Variants in PCDHGB1 observed in about 807,000 individuals in gnomAD.
PCDHGB1 encodes protocadherin gamma subfamily B, 1, also known as protocadherin gamma-B1.
Under a neutral mutation model 56.6 loss-of-function variants are expected in PCDHGB1, and 34 were observed. The ratio of observed to expected loss-of-function variants is 0.60; its 90% CI spans 0.46 to 0.80. The LOEUF (loss-of-function observed/expected upper bound fraction) is 0.80, where lower values mean the gene tolerates loss of function less well. Among genes scored for constraint, PCDHGB1 ranks in the 30% least tolerant of loss-of-function variants. The probability of loss-of-function intolerance (pLI) is 0.00; values close to 1 mark genes in which losing one functional copy is unlikely to be tolerated. For synonymous variants in PCDHGB1, 561 were observed against 505.9 expected (o/e 1.11, Z -1.46); for missense variants, 1,278 against 1,204.6 (o/e 1.06, Z -0.90).
intron 1 of PCDHGB1, chr5:141,371,346 G>A: frequency 6.2e-7 from 1 of 1,613,880 alleles, no homozygotes; most frequent in Non-Finnish European, 8.5e-7. Flanking sequence ...CTACACAATT[G>A]GGGTGGAAGC....
chr5:141,482,103 A>C (rs34394498), intron 1 of PCDHGB1, among the ~76,000 whole-genome samples: 2 of 142,250 alleles, frequency 1.4e-5, no homozygotes, highest in Non-Finnish European at 3.0e-5. Flanking sequence ...AAAAAAAAAA[A>C]AATATCTAGA....
At chr5:141,407,974 G>A (rs1229330658) in intron 1 of PCDHGB1, 3 of 728,612 alleles carry the variant, frequency 4.1e-6, no homozygotes, top group African/African-American at 1.8e-5. Context: ...CGCTGACGCC[G>A]GGGATCCGTC....
intron 1 of PCDHGB1, among the ~76,000 whole-genome samples, chr5:141,386,574 G>A (rs2090626331): frequency 6.6e-6 from 1 of 151,752 alleles, no homozygotes; most frequent in African/African-American, 2.4e-5. Flanking sequence ...GATAGACTCT[G>A]TACAATAGTG....
chr5:141,414,986 A>G, intron 1 of PCDHGB1: 4 of 1,613,824 alleles, frequency 2.5e-6, no homozygotes, highest in Non-Finnish European at 3.4e-6. Context: ...GACTCCGGCC[A>G]GAACGCCTGG....
chr5:141,479,109 A>G (rs925202951), intron 1 of PCDHGB1, among the ~76,000 whole-genome samples: 4 of 152,234 alleles, frequency 2.6e-5, no homozygotes, highest in Admixed American at 2.6e-4. Context: ...TATTTCAAGC[A>G]TTCTACTGGA....
In PCDHGB1 at chr5:141,362,265, A is replaced by G. The variant is rs1450907640; in HGVS notation, c.2409+9596A>G. The G allele has an allele frequency of 4.3e-6, 7 of 1,613,868 alleles. No homozygotes were observed. The Admixed American group carries it at 6.7e-5, about 15-fold the overall frequency. On this transcript the variant is annotated intron_variant, in intron 1 of 3. Transcript: ENST00000523390. ...TCTTCTTCCTCGCGGTGATTCTGGCAATCTCCCTGCGCCTGCGACTCTCTT... is the reference window on the plus strand; with the variant it reads ...TCTTCTTCCTCGCGGTGATTCTGGCGATCTCCCTGCGCCTGCGACTCTCTT...
At chr5:141,468,428 T>C (rs936671539) in intron 1 of PCDHGB1, 11 of 151,374 alleles carry the variant, frequency 7.3e-5, no homozygotes, top group Non-Finnish European at 1.3e-4. Context: ...AGCAAGGTAA[T>C]AGCAAAATGT....
chr5:141,485,497 T>C lies in PCDHGB1; in HGVS notation c.2410-9310T>C, dbSNP rs1594488328. On this transcript the variant is annotated intron_variant, in intron 1 of 3. Coordinates refer to ENST00000523390, the MANE Select transcript of PCDHGB1 (RefSeq NM_018922.3). The surrounding 1 kb of genome is among the most constrained non-coding windows in gnomAD (Gnocchi z 5.7). ...CCAGCTGCATCGTGCCCCTGGAGTT[T>C]GTCACCGAAGGTCCTTTGGAAATGT... 6.2e-7 allele frequency: 1 copy of C among 1,614,112 alleles called. No homozygotes were observed. The highest frequency in any genetic ancestry group is 1.3e-5 in the African/African-American group (1 of 74,998).
At chr5:141,419,548 G>C in intron 1 of PCDHGB1, 1 of 1,611,976 alleles carries the variant, frequency 6.2e-7, no homozygotes, top group Non-Finnish European at 8.5e-7. Context: ...CGCGGGTGCT[G>C]TACCCTGCGC....
Position 141,486,895 on chromosome 5 carries a change from C to T in PCDHGB1, c.2410-7912C>T, listed in dbSNP as rs1286004461. ...TCCGTCCTCGGGCCCGGCCTGGTTC[C>T]TTATGTCCCCAAGCACTGCCTCCAT... On this transcript the variant is annotated intron_variant, in intron 1 of 3. Coordinates refer to ENST00000523390, the MANE Select transcript of PCDHGB1 (RefSeq NM_018922.3). This position sits in a 1 kb window ranked among gnomAD's most constrained non-coding sequence, Gnocchi z 5.0. 3 of 1,614,134 alleles carry T rather than the reference C, an allele frequency of 1.9e-6. No homozygotes were observed. The highest frequency in any genetic ancestry group is 3.3e-5 in the Admixed American group (2 of 60,012).
intron 1 of PCDHGB1, among the ~76,000 whole-genome samples, chr5:141,438,139 T>C (rs2097931816): frequency 6.6e-6 from 1 of 152,152 alleles, no homozygotes. Context: ...TGGCAAAAGA[T>C]AGCCAGCCTA....
chr5:141,376,790 C>T (rs993106299), intron 1 of PCDHGB1: 2 of 364,964 alleles, frequency 5.5e-6, no homozygotes, highest in Non-Finnish European at 9.9e-6. Context: ...GGGTTCACGC[C>T]ATTCTCCTGC....
chr5:141,351,104 C>G lies in PCDHGB1; in HGVS notation c.844C>G (p.Pro282Ala). Residue 282 changes from proline (P) to alanine (A), a missense_variant, in exon 1 of 4, where the codon CCA becomes GCA. By Grantham distance (27) the Pro-to-Ala change is conservative. Transcript: ENST00000523390. ...GATCACCTATGCCTTCCTCAATTCC[C>G]CAATAAGTACCAGCCTCTTCAATCT... is the stretch of plus-strand genomic sequence containing the variant. ...AEITYAFLNSPISTSLFNLNP... is the reference protein window; with the variant it reads ...AEITYAFLNSAISTSLFNLNP... 6.2e-7 allele frequency: 1 copy of G among 1,614,064 alleles called. No homozygotes were observed. Among genetic ancestry groups the G allele is most frequent in the Non-Finnish European group, 8.5e-7 (1 of 1,179,906 alleles).
At chr5:141,498,581 C>A (rs1281809549) in intron 2 of PCDHGB1, among the ~76,000 whole-genome samples, 1 of 152,104 alleles carries the variant, frequency 6.6e-6, no homozygotes, top group East Asian at 1.9e-4. Flanking sequence ...GTATTGAGTT[C>A]TTCAGTAAAC....
At chr5:141,394,955 C>A (rs2093135329) in intron 1 of PCDHGB1, 11 of 1,613,878 alleles carry the variant, frequency 6.8e-6, no homozygotes, top group Non-Finnish European at 8.5e-6. Context: ...TTCTGGGGCT[C>A]AGGCTGAGGC....
intron 1 of PCDHGB1, chr5:141,421,637 A>T: frequency 6.2e-7 from 1 of 1,613,810 alleles, no homozygotes; most frequent in Non-Finnish European, 8.5e-7. Flanking sequence ...TTCCAGGAGG[A>T]CGAAGTGGAG....
At chr5:141,389,635 A>G in intron 1 of PCDHGB1, 1 of 1,612,978 alleles carries the variant, frequency 6.2e-7, no homozygotes, top group Non-Finnish European at 8.5e-7. Flanking sequence ...GAGCCTGGCT[A>G]CTTGGTGACC....
At chr5:141,396,406 G>A (rs1245754617) in intron 1 of PCDHGB1, 2 of 152,190 alleles carry the variant, frequency 1.3e-5, no homozygotes, top group African/African-American at 4.8e-5. Context: ...ATCACCTGAG[G>A]TCAGGAGTTC....
chr5:141,426,873 C>T (rs1299082117), intron 1 of PCDHGB1: 1 of 456,702 alleles, frequency 2.2e-6, no homozygotes, highest in East Asian at 6.9e-5. Context: ...GCTGGAGAAG[C>T]CCCTGGGCCA....
Sources: allele counts gnomAD v4.1 joint callset (sites outside exome capture counted in the v4.1 genomes callset), GRCh38; gene constraint gnomAD v4.1.1; non-coding constraint Gnocchi (gnomAD v3.1); transcripts MANE v1.5; gene names NCBI Gene and HGNC (gene_info 2026-07-23, HGNC 2026-07-21).